ABCG2: variants seen among roughly 807,000 people sequenced by gnomAD.
The protein encoded by ABCG2 is ATP binding cassette subfamily G member 2 (JR blood group).
In ABCG2, 80 loss-of-function variants were observed where a neutral mutation model predicts 73.5. That is an observed-to-expected ratio of 1.09 (90% CI 0.91 to 1.31). The LOEUF (loss-of-function observed/expected upper bound fraction) is 1.31, where lower values mean the gene tolerates loss of function less well. Among genes scored for constraint, ABCG2 ranks in the 50% most tolerant of loss-of-function variants. ABCG2 has a pLI of 0.00. For missense variants in ABCG2, 796 were observed against 786.2 expected (o/e 1.01, Z -0.15); for synonymous variants, 269 against 282.4 (o/e 0.95, Z 0.48).
At chr4:88,225,098 G>T (rs946255328) in intron 1 of ABCG2, among the ~76,000 whole-genome samples, 1 of 152,142 alleles carries the variant, frequency 6.6e-6, no homozygotes, top group Non-Finnish European at 1.5e-5. Flanking sequence ...TTCATTGAGG[G>T]TAGAGTTTTA....
chr4:88,099,477 C>A, intron 11 of ABCG2, 29 bp from the exon 12 acceptor site: 2 of 1,573,816 alleles, frequency 1.3e-6, no homozygotes, highest in African/African-American at 1.4e-5. Flanking sequence ...TATCATACAT[C>A]CAAGATTAGT....
chr4:88,115,952 C>G (rs983144036), intron 7 of ABCG2, among the ~76,000 whole-genome samples: 1 of 152,104 alleles, frequency 6.6e-6, no homozygotes, highest in Non-Finnish European at 1.5e-5. Flanking sequence ...ACTAGCACTT[C>G]GGGAGGCCGA....
intron 11 of ABCG2, among the ~76,000 whole-genome samples, chr4:88,100,626 G>T (rs1376885285): frequency 1.3e-5 from 2 of 151,862 alleles, no homozygotes; most frequent in South Asian, 2.1e-4. Flanking sequence ...CTCCAGCCTG[G>T]GCGACAAAGC....
At chr4:88,098,957 C>T (rs372689624) in intron 12 of ABCG2, among the ~76,000 whole-genome samples, 1 of 151,936 alleles carries the variant, frequency 6.6e-6, no homozygotes, top group African/African-American at 2.4e-5. Context: ...CCAAAAACTC[C>T]ATCTTTCTGT....
chr4:88,214,852 G>A (rs78837268), intron 1 of ABCG2, among the ~76,000 whole-genome samples: 4 of 151,974 alleles, frequency 2.6e-5, no homozygotes, highest in Non-Finnish European at 5.9e-5. Flanking sequence ...TCAACTCCTG[G>A]GCTCAAGTGA....
Position 88,173,661 on chromosome 4 carries a change from G to C in ABCG2, c.-19-33647C>G, listed in dbSNP as rs530664179. The stretch of plus-strand genomic sequence containing the variant: ...TATTTTAGTGGAAGTGCCAGGGATT[G>C]AAATTTTCTCAATAGCATGAAATAT... On this transcript the variant is annotated intron_variant, in intron 1 of 15. Coordinates refer to the ABCG2 transcript ENST00000515655. 7.2e-5 allele frequency among the ~76,000 whole-genome samples: 11 copies of C among 152,192 alleles called. No individual in the cohort carries two copies. In the South Asian group the frequency reaches 2.3e-3, roughly 32 times the overall value.
At position 88,113,345 on chromosome 4, in the gene ABCG2, T is replaced by C; in HGVS notation, c.1152A>G (p.Ser384=). Residue 384 remains serine (S), a synonymous_variant, in exon 9 of 16, where the codon TCA becomes TCG. Transcript: ENST00000237612. ...GGGGATTACCCAGCAAGTTTTTGAA[T>C]GAACGCTTGGAAACCCATCTGAGTT... ...CHQLRWVSKR[S]FKNLLGNPQA... 1 of 1,614,180 alleles carries C rather than the reference T, an allele frequency of 6.2e-7. No homozygotes were observed. Among genetic ancestry groups the C allele is most frequent in the Non-Finnish European group, 8.5e-7 (1 of 1,180,026 alleles).
At chr4:88,205,319 A>C (rs1015707416) in intron 1 of ABCG2, among the ~76,000 whole-genome samples, 1 of 152,226 alleles carries the variant, frequency 6.6e-6, no homozygotes, top group African/African-American at 2.4e-5. Flanking sequence ...TTAATCTTAA[A>C]ATGCATAGCA....
At chr4:88,194,341 G>A (rs554985938) in intron 1 of ABCG2, among the ~76,000 whole-genome samples, 2 of 151,812 alleles carry the variant, frequency 1.3e-5, no homozygotes, top group Non-Finnish European at 2.9e-5. Context: ...ACGAGGTCAG[G>A]AGATAAAGAC....
intron 1 of ABCG2, among the ~76,000 whole-genome samples, chr4:88,166,222 C>T (rs1727512649): frequency 6.6e-6 from 1 of 152,232 alleles, no homozygotes; most frequent in South Asian, 2.1e-4. Flanking sequence ...GGGAGCTTCA[C>T]TGCCAGTAAG....
intron 1 of ABCG2, 125 bp from the exon 2 acceptor site, chr4:88,140,139 G>A: frequency 1.3e-6 from 1 of 772,776 alleles, no homozygotes; most frequent in Non-Finnish European, 2.1e-6. Flanking sequence ...CATTTCCAAT[G>A]AATGGCCCAT....
intron 1 of ABCG2, among the ~76,000 whole-genome samples, chr4:88,177,701 A>G (rs560336010): frequency 1.3e-5 from 2 of 152,288 alleles, no homozygotes; most frequent in Admixed American, 1.3e-4. Flanking sequence ...AATTGCGGAC[A>G]CCACCCCTCC....
intron 1 of ABCG2, among the ~76,000 whole-genome samples, chr4:88,172,451 G>GC (rs1453996502): frequency 6.6e-6 from 1 of 151,484 alleles, no homozygotes; most frequent in Non-Finnish European, 1.5e-5. Context: ...AGTGGCACCC[G>GC]CCTGTAATCC....
chr4:88,120,713 T>C (rs188073347), intron 6 of ABCG2, among the ~76,000 whole-genome samples: 85 of 152,296 alleles, frequency 5.6e-4, no homozygotes, highest in African/African-American at 1.9e-3. Context: ...TAACTTGCTT[T>C]TGATTTTACA....
chr4:88,216,423 T>C (rs1339945549), intron 1 of ABCG2, among the ~76,000 whole-genome samples: 4 of 152,196 alleles, frequency 2.6e-5, no homozygotes, highest in African/African-American at 7.2e-5. Context: ...ATCTATTTTG[T>C]GAATGTCAGT....
chr4:88,105,691 T>C lies in ABCG2; in HGVS notation c.1277+1493A>G, dbSNP rs567324169. ...GGCAACAAAAGAAGAAATTGATCAATTGGACTACATCAAAGTTAAAAATGT... is the reference window on the plus strand; with the variant it reads ...GGCAACAAAAGAAGAAATTGATCAACTGGACTACATCAAAGTTAAAAATGT... On this transcript the variant is annotated intron_variant, in intron 10 of 15. Transcript: ENST00000237612. Among the ~76,000 whole-genome samples the C allele has an allele frequency of 3.3e-4, 50 of 152,220 alleles. 1 individual carries two copies. The highest frequency in any genetic ancestry group is 1.0e-3 in the African/African-American group (42 of 41,530).
rs148985058 is a variant in ABCG2 at position 88,225,686 on chromosome 4, G to A, written c.-20+5308C>T. On this transcript the variant is annotated intron_variant, in intron 1 of 15. Transcript: ENST00000515655. ...TATGAGTCATGACAGGCTCCTGATG[G>A]GATCTCTGCTCAGTGCTTTTCCCTA... Among the ~76,000 whole-genome samples the A allele has an allele frequency of 4.7e-3, 720 of 152,208 alleles. 7 individuals are homozygous for A. The highest frequency in any genetic ancestry group is 0.017 in the African/African-American group (687 of 41,534).
At chr4:88,124,050 A>G (rs2110026619) in intron 5 of ABCG2, among the ~76,000 whole-genome samples, 1 of 152,344 alleles carries the variant, frequency 6.6e-6, no homozygotes, top group East Asian at 1.9e-4. Flanking sequence ...AGAATTTCAT[A>G]TCCAGCCAAA....
At chr4:88,176,235 T>TCTAC (rs1271536541) in intron 1 of ABCG2, among the ~76,000 whole-genome samples, 2 of 151,712 alleles carry the variant, frequency 1.3e-5, no homozygotes, top group African/African-American at 2.4e-5. Flanking sequence ...AATCAAGCAA[T>TCTAC]CTACCTGCCT....
Sources: allele counts gnomAD v4.1 joint callset (sites outside exome capture counted in the v4.1 genomes callset), GRCh38; gene constraint gnomAD v4.1.1; transcripts MANE v1.5; gene names NCBI Gene and HGNC (gene_info 2026-07-23, HGNC 2026-07-21).